The following GRIN2A variants were observed in gnomAD, a reference collection of about 807,000 sequenced individuals.
GRIN2A encodes glutamate receptor ionotropic, NMDA 2A.
GRIN2A carries 22 observed loss-of-function variants against 113.4 expected under a neutral mutation model. The observed-to-expected ratio is 0.19, with a 90% CI of 0.14 to 0.28. The LOEUF (loss-of-function observed/expected upper bound fraction) is 0.28. Among genes scored for constraint, GRIN2A ranks in the 10% least tolerant of loss-of-function variants. The probability of loss-of-function intolerance (pLI) is 1.00; values close to 1 mark genes in which losing one functional copy is unlikely to be tolerated. For synonymous variants in GRIN2A, 827 were observed against 738.4 expected, an observed-to-expected ratio of 1.12 and a Z score of -1.94; for missense variants, 1,502 against 1,887.0, an observed-to-expected ratio of 0.80 and a Z score of 3.78.
chr16:10,067,819 A>C (rs562307343), intron 2 of GRIN2A, among the ~76,000 whole-genome samples: 3 of 152,212 alleles, frequency 2.0e-5, no homozygotes, highest in East Asian at 3.9e-4. Context: ...CTAGCATGGC[A>C]TGGGTAGAGG....
intron 5 of GRIN2A, among the ~76,000 whole-genome samples, chr16:9,847,936 A>ATAT (rs200217249): frequency 1.4e-5 from 2 of 145,516 alleles, no homozygotes; most frequent in African/African-American, 2.5e-5. Context: ...TATATATATA[A>ATAT]AAATATATAT....
At chr16:9,869,540 G>A (rs1047741954) in intron 4 of GRIN2A, among the ~76,000 whole-genome samples, 1 of 152,122 alleles carries the variant, frequency 6.6e-6, no homozygotes, top group African/African-American at 2.4e-5. Context: ...TCTGGTAATA[G>A]GCCCTGAAAA....
chr16:9,879,296 A>G (rs569766859), intron 4 of GRIN2A, among the ~76,000 whole-genome samples: 2 of 152,354 alleles, frequency 1.3e-5, no homozygotes, highest in African/African-American at 4.8e-5. Context: ...AAGAGAAGAA[A>G]GGAAGGAGGA....
intron 9 of GRIN2A, among the ~76,000 whole-genome samples, chr16:9,828,414 G>A (rs1199139920): frequency 1.3e-5 from 2 of 152,174 alleles, no homozygotes; most frequent in Non-Finnish European, 2.9e-5. Flanking sequence ...TCATGGATAA[G>A]CTGTAAAAGC....
chr16:9,811,803 T>C (rs2042091817), intron 10 of GRIN2A, among the ~76,000 whole-genome samples: 1 of 152,108 alleles, frequency 6.6e-6, no homozygotes, highest in Non-Finnish European at 1.5e-5. Flanking sequence ...TCCCTAAGGA[T>C]ATAGAACCTG....
chr16:9,942,064 C>T lies in GRIN2A; in HGVS notation c.415-3513G>A, dbSNP rs530634380. Among the ~76,000 whole-genome samples, 3 of 152,276 alleles carry T rather than the reference C, an allele frequency of 2.0e-5. No individual in the cohort carries two copies. The South Asian group carries it at 6.2e-4, about 32-fold the overall frequency. On this transcript the variant is annotated intron_variant, in intron 2 of 12. Coordinates refer to ENST00000330684, the MANE Select transcript of GRIN2A (RefSeq NM_001134407.3). ...TCAAAACACCCAGTGTAGTGCCCAT[C>T]AAGTATGAAGTATTCAGCAAATATT...
intron 2 of GRIN2A, among the ~76,000 whole-genome samples, chr16:10,033,070 C>T (rs772127825): frequency 3.9e-5 from 6 of 152,114 alleles, no homozygotes; most frequent in Non-Finnish European, 8.8e-5. Context: ...TTCCTGGGCA[C>T]GTGATTATAC....
At chr16:9,904,166 A>T (rs1298647232) in intron 3 of GRIN2A, among the ~76,000 whole-genome samples, 1 of 152,296 alleles carries the variant, frequency 6.6e-6, no homozygotes. Context: ...AGGCTGCTAT[A>T]CCAAACTATC....
At chr16:10,153,820 G>T (rs1315366647) in intron 2 of GRIN2A, among the ~76,000 whole-genome samples, 2 of 152,184 alleles carry the variant, frequency 1.3e-5, no homozygotes, top group African/African-American at 4.8e-5. Flanking sequence ...GCATGTCCTG[G>T]AATTCAAGAT....
At chr16:9,951,909 T>C (rs1360706456) in intron 2 of GRIN2A, among the ~76,000 whole-genome samples, 1 of 152,136 alleles carries the variant, frequency 6.6e-6, no homozygotes, top group Admixed American at 6.5e-5. Context: ...TTCTCCAGTG[T>C]TGATGAACAC....
At chr16:9,803,822 C>T (rs1446773891) in intron 10 of GRIN2A, among the ~76,000 whole-genome samples, 1 of 152,146 alleles carries the variant, frequency 6.6e-6, no homozygotes, top group Non-Finnish European at 1.5e-5. Flanking sequence ...CTGACATAAC[C>T]ACTGTGACCA....
chr16:9,809,205 A>G (rs1428592252), intron 10 of GRIN2A, among the ~76,000 whole-genome samples: 1 of 152,160 alleles, frequency 6.6e-6, no homozygotes, highest in African/African-American at 2.4e-5. Context: ...GGATTACTGA[A>G]GGTTAGGAGT....
chr16:9,839,432 A>G (rs1207454752), intron 7 of GRIN2A, among the ~76,000 whole-genome samples: 1 of 152,206 alleles, frequency 6.6e-6, no homozygotes, highest in Non-Finnish European at 1.5e-5. Context: ...GGTTAAAAAA[A>G]TCACAAGAAT....
intron 12 of GRIN2A, among the ~76,000 whole-genome samples, chr16:9,768,210 G>A (rs758234522): frequency 6.6e-6 from 1 of 151,944 alleles, no homozygotes; most frequent in African/African-American, 2.4e-5. Flanking sequence ...ACAGGCGCCC[G>A]GCTAATTTTT....
At chr16:10,042,084 G>A (rs1421588107) in intron 2 of GRIN2A, among the ~76,000 whole-genome samples, 2 of 152,038 alleles carry the variant, frequency 1.3e-5, no homozygotes, top group African/African-American at 2.4e-5. Flanking sequence ...GACCTTGTAG[G>A]TGGCTCCAAA....
chr16:10,030,731 C>A (rs942334132), intron 2 of GRIN2A, among the ~76,000 whole-genome samples: 4 of 152,108 alleles, frequency 2.6e-5, no homozygotes, highest in Non-Finnish European at 5.9e-5. Context: ...TGCTCTCTGG[C>A]CAGGAGTCAT....
At position 9,907,687 on chromosome 16, in the gene GRIN2A, T is replaced by A. The variant is rs1431550467; in HGVS notation, c.1008-16587A>T. On this transcript the variant is annotated intron_variant, in intron 3 of 12. Transcript: ENST00000330684. The stretch of plus-strand genomic sequence containing the variant: ...AGCAAAATCACAAGTCTCATTTAAA[T>A]ACAAAGATCTGTCTCGCCTAAATAT... Among the ~76,000 whole-genome samples, 3 of 152,132 alleles carry A rather than the reference T, an allele frequency of 2.0e-5. No homozygotes were observed. In the East Asian group the frequency reaches 5.8e-4, roughly 29 times the overall value.
chr16:10,160,920 C>T (rs530465926), intron 2 of GRIN2A, among the ~76,000 whole-genome samples: 6 of 152,262 alleles, frequency 3.9e-5, no homozygotes, highest in African/African-American at 1.4e-4. Flanking sequence ...TTTGGGGTTT[C>T]GGGTTTCAAA....
chr16:10,024,254 C>T (rs1011937440), intron 2 of GRIN2A, among the ~76,000 whole-genome samples: 7 of 152,178 alleles, frequency 4.6e-5, no homozygotes, highest in Non-Finnish European at 7.3e-5. Context: ...GACGGAGCCT[C>T]GCTCTGTCAC....
Sources: allele counts gnomAD v4.1 joint callset (sites outside exome capture counted in the v4.1 genomes callset), GRCh38; gene constraint gnomAD v4.1.1; transcripts MANE v1.5; gene names NCBI Gene and HGNC (gene_info 2026-07-23, HGNC 2026-07-21).